Variants in C9 observed in about 807,000 individuals in gnomAD.
C9 encodes complement C9, also known as complement component C9.
C9 carries 63 observed loss-of-function variants against 65.4 expected under a neutral mutation model. The observed-to-expected ratio is 0.96, with a 90% confidence interval of 0.79 to 1.19. The LOEUF (loss-of-function observed/expected upper bound fraction) is 1.19. Ranked by LOEUF, C9 falls within the 50% of genes most tolerant of loss-of-function variation. C9 has a pLI of 0.00. For missense variants in C9, 744 were observed against 670.1 expected (o/e 1.11, Z -1.22); for synonymous variants, 229 against 227.9 (o/e 1.00, Z -0.04).
intron 5 of C9, among the ~76,000 whole-genome samples, chr5:39,321,800 CAG>C: frequency 6.6e-6 from 1 of 152,072 alleles, no homozygotes; most frequent in East Asian, 1.9e-4. Flanking sequence ...TCAATTTTGT[CAG>C]AGGATATTTA....
chr5:39,306,500 G>A (rs962129871), intron 9 of C9, 117 bp downstream of exon 9: 7 of 827,224 alleles, frequency 8.5e-6, no homozygotes, highest in Middle Eastern at 2.3e-4. Flanking sequence ...GAAGAAATGG[G>A]AGTGTATCTG....
intron 6 of C9, 144 bp downstream of exon 6, chr5:39,315,631 A>G: frequency 1.6e-6 from 1 of 644,786 alleles, no homozygotes; most frequent in Non-Finnish European, 2.7e-6. Context: ...TCCAGTTAGT[A>G]TTCTTTCTGA....
In C9 at chr5:39,359,543, T is replaced by C. The variant is rs79858651; in HGVS notation, c.77+4845A>G. ...GCAAGGGAGTGGGTCTAGAGTAAAGTGGAGAAATGTGCCATTTTTTTTTAA... is the reference window on the plus strand; with the variant it reads ...GCAAGGGAGTGGGTCTAGAGTAAAGCGGAGAAATGTGCCATTTTTTTTTAA... On this transcript the variant is annotated intron_variant, in intron 1 of 10. Transcript: ENST00000263408. 2.0e-3 allele frequency among the ~76,000 whole-genome samples: 310 copies of C among 152,214 alleles called. 1 individual carries two copies. The highest frequency in any genetic ancestry group is 3.5e-3 in the South Asian group (17 of 4,822).
chr5:39,314,755 GCC>G (rs911018321), intron 6 of C9, among the ~76,000 whole-genome samples: 1 of 152,130 alleles, frequency 6.6e-6, no homozygotes, highest in African/African-American at 2.4e-5. Context: ...ATGAAGCTAA[GCC>G]TGAGCTTCCT....
At position 39,284,351 on chromosome 5, in the gene C9, T is replaced by G. The variant is rs1752950280; in HGVS notation, c.*848A>C. Reference sequence around the variant, plus strand: ...GCACCATGTTCTCTAATGAATAAGATTGTACAACCAATGTTAATCAGCTTC... The same window carrying G: ...GCACCATGTTCTCTAATGAATAAGAGTGTACAACCAATGTTAATCAGCTTC... On this transcript the variant is annotated 3_prime_UTR_variant, in exon 11 of 11. Coordinates refer to ENST00000263408, the MANE Select transcript of C9 (RefSeq NM_001737.5). 6.6e-6 allele frequency: 1 copy of G among 152,172 alleles called. No individual in the cohort carries two copies. The highest frequency in any genetic ancestry group is 2.1e-4 in the South Asian group (1 of 4,834). 9.4% of individuals were successfully genotyped at this position (152,172 alleles called of 1,614,324 possible).
At chr5:39,330,563 T>G (rs1307717617) in intron 5 of C9, among the ~76,000 whole-genome samples, 1 of 152,210 alleles carries the variant, frequency 6.6e-6, no homozygotes, top group African/African-American at 2.4e-5. Flanking sequence ...TGACCATGTT[T>G]GGTATTTTCT....
chr5:39,355,094 G>A (rs1007775595), intron 1 of C9, among the ~76,000 whole-genome samples: 3 of 152,078 alleles, frequency 2.0e-5, no homozygotes, highest in African/African-American at 7.2e-5. Flanking sequence ...TTAACATTTT[G>A]TTTCAACATT....
intron 9 of C9, among the ~76,000 whole-genome samples, chr5:39,289,872 AG>A (rs1352003772): frequency 1.3e-5 from 2 of 151,910 alleles, no homozygotes; most frequent in Non-Finnish European, 2.9e-5. Flanking sequence ...AAATTTCCTG[AG>A]CCCCATCCAA....
chr5:39,299,541 T>C (rs1489742641), intron 9 of C9, among the ~76,000 whole-genome samples: 1 of 152,086 alleles, frequency 6.6e-6, no homozygotes, highest in African/African-American at 2.4e-5. Flanking sequence ...CATACAAGAA[T>C]GTCGATGTGT....
At chr5:39,361,885 T>C (rs965637479) in intron 1 of C9, among the ~76,000 whole-genome samples, 11 of 152,336 alleles carry the variant, frequency 7.2e-5, no homozygotes, top group Non-Finnish European at 1.3e-4. Context: ...TGGCATGAGA[T>C]GTCTTCAAGC....
intron 4 of C9, among the ~76,000 whole-genome samples, chr5:39,333,360 A>G (rs1753879411): frequency 6.6e-6 from 1 of 152,156 alleles, no homozygotes; most frequent in African/African-American, 2.4e-5. Context: ...AAGCATGGGA[A>G]TGAAGAGGCC....
chr5:39,288,395 A>G (rs985199123), intron 10 of C9, among the ~76,000 whole-genome samples: 1 of 151,836 alleles, frequency 6.6e-6, no homozygotes, highest in African/African-American at 2.4e-5. Context: ...TATGATATAT[A>G]TGTATTAACA....
intron 1 of C9, among the ~76,000 whole-genome samples, chr5:39,350,624 TG>T (rs1754305661): frequency 6.6e-6 from 1 of 152,166 alleles, no homozygotes; most frequent in Non-Finnish European, 1.5e-5. Context: ...ACAGGCACCA[TG>T]CAAGTCCAAA....
At chr5:39,357,380 C>T (rs931870996) in intron 1 of C9, among the ~76,000 whole-genome samples, 4 of 152,156 alleles carry the variant, frequency 2.6e-5, no homozygotes, top group South Asian at 2.1e-4. Context: ...AAGTTTTTAA[C>T]GAACCTTTCC....
Position 39,306,682 on chromosome 5 carries a change from C to G in C9, c.1351G>C (p.Asp451His), listed in dbSNP as rs756767528. ...KEKLLRGTVI[D>H]VTDFVNWASS... ...GCCCAGTTGACAAAGTCAGTCACAT[C>G]AATCACGGTTCCTCGGAGAAGCTTT... The change falls in exon 9 of 11, where the codon GAT becomes CAT. Residue 451 changes from aspartate (D) to histidine (H), a missense_variant. Transcript: ENST00000263408. The G allele has an allele frequency of 6.2e-7, 1 of 1,613,734 alleles. No individual in the cohort carries two copies. The highest frequency in any genetic ancestry group is 8.5e-7 in the Non-Finnish European group (1 of 1,179,696).
At chr5:39,294,879 G>A (rs1753156380) in intron 9 of C9, among the ~76,000 whole-genome samples, 1 of 151,724 alleles carries the variant, frequency 6.6e-6, no homozygotes, top group African/African-American at 2.4e-5. Flanking sequence ...GATCAAGTGG[G>A]CATGAATTAT....
At chr5:39,329,294 T>C (rs1442840555) in intron 5 of C9, among the ~76,000 whole-genome samples, 1 of 152,214 alleles carries the variant, frequency 6.6e-6, no homozygotes, top group Non-Finnish European at 1.5e-5. Flanking sequence ...AGTCTTTAAC[T>C]AATTATACTC....
rs189062399 is a variant in C9, at chr5:39,310,637, A to T, written c.1111+500T>A. On this transcript the variant is annotated intron_variant, in intron 7 of 10. Transcript: ENST00000263408. ...TGAGAAGTGTCATCACATGAGGTAA[A>T]ACTAATTTTCCACCCTTGCTTTAAG... Among the ~76,000 whole-genome samples the T allele has an allele frequency of 9.3e-4, 141 of 152,196 alleles. 2 individuals carry two copies. In the South Asian group the frequency reaches 9.8e-3, roughly 11 times the overall value.
chr5:39,321,120 T>A (rs1056624183), intron 5 of C9, among the ~76,000 whole-genome samples: 1 of 152,050 alleles, frequency 6.6e-6, no homozygotes, highest in Non-Finnish European at 1.5e-5. Flanking sequence ...AAGTACATAG[T>A]CAAATTCAGA....
Sources: gnomAD v4.1 joint callset for allele counts (sites outside exome capture counted in the v4.1 genomes callset) on GRCh38, gnomAD v4.1.1 for gene constraint, MANE v1.5 for transcripts, NCBI Gene and HGNC (gene_info 2026-07-23, HGNC 2026-07-21) for gene names.